The following FARS2 variants were observed in gnomAD, a reference collection of about 807,000 sequenced individuals.
FARS2 encodes the protein phenylalanyl-tRNA synthetase 2, mitochondrial, also known as phenylalanine--tRNA ligase, mitochondrial.
FARS2 carries 40 observed loss-of-function variants against 46.4 expected under a neutral mutation model. The ratio of observed to expected loss-of-function variants is 0.86; its 90% CI spans 0.67 to 1.12. The LOEUF is 1.12. Among genes scored for constraint, FARS2 ranks in the 50% most tolerant of loss-of-function variants. The pLI, the probability that FARS2 is intolerant of heterozygous loss-of-function variation, is 0.00. For synonymous variants in FARS2, 234 were observed against 214.9 expected, an observed-to-expected ratio of 1.09 and a Z score of -0.78; for missense variants, 513 against 567.9, an observed-to-expected ratio of 0.90 and a Z score of 0.98.
intron 4 of FARS2, among the ~76,000 whole-genome samples, chr6:5,513,798 T>A (rs1768604282): frequency 6.6e-6 from 1 of 152,154 alleles, no homozygotes; most frequent in Non-Finnish European, 1.5e-5. Context: ...TATTGCTGTC[T>A]AAGTGGGCAC....
At chr6:5,408,359 GA>G (rs1761736878) in intron 3 of FARS2, among the ~76,000 whole-genome samples, 1 of 152,104 alleles carries the variant, frequency 6.6e-6, no homozygotes, top group Admixed American at 6.5e-5. Flanking sequence ...AGAATGGGGT[GA>G]AAAATGACAA....
In FARS2 at chr6:5,368,978, C is replaced by T. The variant is rs917396515; in HGVS notation, c.408C>T (p.Pro136=). Residue 136 remains proline, a synonymous_variant, in exon 2 of 7, where the codon CCC becomes CCT. Coordinates refer to ENST00000274680, the MANE Select transcript of FARS2 (RefSeq NM_006567.5). ...GCCTGCTCATCCCAGCTGATCACCCCAGCAGGAAGAAGGGGGACAACTATT... is the reference window on the plus strand; with the variant it reads ...GCCTGCTCATCCCAGCTGATCACCCTAGCAGGAAGAAGGGGGACAACTATT... ...FDSLLIPADH[P]SRKKGDNYYL... The T allele has an allele frequency of 2.5e-6, 4 of 1,614,050 alleles. No individual in the cohort carries two copies. In the African/African-American group the frequency reaches 5.3e-5, roughly 22 times the overall value.
chr6:5,414,193 A>G (rs1762090018), intron 3 of FARS2, among the ~76,000 whole-genome samples: 2 of 152,222 alleles, frequency 1.3e-5, no homozygotes, highest in African/African-American at 4.8e-5. Flanking sequence ...TTTCCAAATT[A>G]TAAAATTCAA....
At chr6:5,520,930 G>A (rs1031577643) in intron 4 of FARS2, among the ~76,000 whole-genome samples, 11 of 152,200 alleles carry the variant, frequency 7.2e-5, no homozygotes, top group African/African-American at 2.6e-4. Flanking sequence ...GATGGATTTG[G>A]ATGCTACCCC....
At chr6:5,316,614 T>G (rs1394286824) in intron 1 of FARS2, among the ~76,000 whole-genome samples, 1 of 152,122 alleles carries the variant, frequency 6.6e-6, no homozygotes, top group Admixed American at 6.5e-5. Context: ...TGGGAACAGA[T>G]AAGCTGTAAT....
chr6:5,674,629 A>G (rs143742198), intron 6 of FARS2, among the ~76,000 whole-genome samples: 30 of 152,214 alleles, frequency 2.0e-4, no homozygotes, highest in African/African-American at 6.5e-4. Context: ...TTTTCACAGT[A>G]CTTCTGTGAA....
chr6:5,734,195 C>T (rs570499273), intron 6 of FARS2, among the ~76,000 whole-genome samples: 8 of 152,282 alleles, frequency 5.3e-5, no homozygotes, highest in Admixed American at 3.3e-4. Context: ...GAGCAGGACC[C>T]CTGTCCTAAA....
intron 4 of FARS2, among the ~76,000 whole-genome samples, chr6:5,487,215 C>T (rs1766825307): frequency 6.6e-6 from 1 of 152,254 alleles, no homozygotes; most frequent in Non-Finnish European, 1.5e-5. Context: ...GTTCATCACA[C>T]AGCCTCTGGT....
intron 4 of FARS2, among the ~76,000 whole-genome samples, chr6:5,544,130 T>C (rs957414006): frequency 7.2e-5 from 11 of 152,118 alleles, no homozygotes; most frequent in Non-Finnish European, 1.5e-5. Flanking sequence ...GAAGTTCCCA[T>C]TTTCTCCCTG....
At chr6:5,705,127 G>T (rs1226651372) in intron 6 of FARS2, among the ~76,000 whole-genome samples, 1 of 152,204 alleles carries the variant, frequency 6.6e-6, no homozygotes, top group African/African-American at 2.4e-5. Context: ...ATTCAAGATG[G>T]AGAAATGGCC....
At chr6:5,474,662 T>TA (rs879488014) in intron 4 of FARS2, among the ~76,000 whole-genome samples, 29,526 of 107,842 alleles carry the variant, frequency 0.27, 3,266 homozygotes, top group South Asian at 0.4. Context: ...AATACAGTAC[T>TA]GTTTTTTTTT....
chr6:5,677,193 T>C (rs1036256625), intron 6 of FARS2, among the ~76,000 whole-genome samples: 1 of 152,220 alleles, frequency 6.6e-6, no homozygotes, highest in Non-Finnish European at 1.5e-5. Flanking sequence ...GAGCAAACCA[T>C]GTGTCTTGCT....
intron 1 of FARS2, among the ~76,000 whole-genome samples, chr6:5,287,576 C>T (rs537999887): frequency 4.6e-5 from 7 of 152,316 alleles, no homozygotes; most frequent in Admixed American, 1.3e-4. Context: ...GGCTGCTGTT[C>T]CTTCATGCTT....
intron 6 of FARS2, among the ~76,000 whole-genome samples, chr6:5,713,246 C>T (rs1582815928): frequency 6.6e-6 from 1 of 152,178 alleles, no homozygotes; most frequent in Non-Finnish European, 1.5e-5. Flanking sequence ...GAGGTGGTAG[C>T]GTTTTGGTTG....
At chr6:5,698,039 G>T (rs988436593) in intron 6 of FARS2, among the ~76,000 whole-genome samples, 1 of 152,184 alleles carries the variant, frequency 6.6e-6, no homozygotes, top group Non-Finnish European at 1.5e-5. Context: ...ATTCTCGCTC[G>T]CTGTGATATG....
chr6:5,434,163 G>A (rs969122650), intron 4 of FARS2, among the ~76,000 whole-genome samples: 2 of 152,162 alleles, frequency 1.3e-5, no homozygotes, highest in African/African-American at 4.8e-5. Flanking sequence ...AGGCTGGAGT[G>A]AAGTGGCGTG....
chr6:5,344,525 G>C (rs1757104482), intron 1 of FARS2, among the ~76,000 whole-genome samples: 1 of 152,196 alleles, frequency 6.6e-6, no homozygotes, highest in Admixed American at 6.5e-5. Flanking sequence ...GGTTTAGGGA[G>C]GAGGCAGTGT....
chr6:5,425,972 C>A (rs9392683), intron 3 of FARS2, among the ~76,000 whole-genome samples: 71,081 of 151,658 alleles, frequency 0.47, 16,826 homozygotes, highest in Non-Finnish European at 0.5. Flanking sequence ...GTAAGCTTCC[C>A]GCGGTTTCAC....
intron 1 of FARS2, among the ~76,000 whole-genome samples, chr6:5,275,901 A>G (rs949747586): frequency 2.0e-5 from 3 of 152,134 alleles, no homozygotes; most frequent in Non-Finnish European, 4.4e-5. Context: ...CCAGAATTTT[A>G]TATTATCTTA....
Sources: gnomAD v4.1 joint callset for allele counts (sites outside exome capture counted in the v4.1 genomes callset) on GRCh38, gnomAD v4.1.1 for gene constraint, MANE v1.5 for transcripts, NCBI Gene and HGNC (gene_info 2026-07-23, HGNC 2026-07-21) for gene names.